The following NEBL variants were observed in gnomAD, a reference collection of about 807,000 sequenced individuals.
NEBL encodes LIM and SH3 protein 2.
In NEBL, 122 loss-of-function variants were observed where a neutral mutation model predicts 140.2. The observed-to-expected ratio is 0.87, with a 90% CI of 0.75 to 1.01. The LOEUF is 1.01. Among genes scored for constraint, NEBL ranks in the 50% least tolerant of loss-of-function variants. The pLI, the probability that NEBL is intolerant of heterozygous loss-of-function variation, is 0.00. For synonymous variants in NEBL, 436 were observed against 398.9 expected (o/e 1.09, Z -1.11); for missense variants, 1,365 against 1,231.3 (o/e 1.11, Z -1.62).
chr10:20,932,961 G>C (rs562543986), intron 4 of NEBL, among the ~76,000 whole-genome samples: 7 of 152,228 alleles, frequency 4.6e-5, no homozygotes, highest in Admixed American at 4.6e-4. Flanking sequence ...ACAAATGCTT[G>C]CATGCAGAAA....
chr10:21,134,284 A>G (rs1839246131), intron 2 of NEBL, among the ~76,000 whole-genome samples: 1 of 152,130 alleles, frequency 6.6e-6, no homozygotes, highest in Non-Finnish European at 1.5e-5. Flanking sequence ...GGAAAATAAG[A>G]CTACAGTTGA....
At chr10:20,887,933 T>C (rs968861369) in intron 4 of NEBL, among the ~76,000 whole-genome samples, 164 bp downstream of exon 4, 1 of 152,214 alleles carries the variant, frequency 6.6e-6, no homozygotes, top group Non-Finnish European at 1.5e-5. Context: ...TTTCATTTTC[T>C]GCAATTTCAA....
intron 3 of NEBL, among the ~76,000 whole-genome samples, chr10:21,184,943 A>G (rs938621320): frequency 6.6e-6 from 1 of 152,172 alleles, no homozygotes; most frequent in African/African-American, 2.4e-5. Context: ...CAAATTTTCT[A>G]CAATAAACAT....
chr10:20,888,813 A>G (rs1425679564), intron 3 of NEBL, among the ~76,000 whole-genome samples: 2 of 152,250 alleles, frequency 1.3e-5, no homozygotes, highest in African/African-American at 4.8e-5. Flanking sequence ...TAACTCCTTC[A>G]GGAAACATAA....
chr10:20,917,539 A>C (rs1564442119), intron 4 of NEBL, among the ~76,000 whole-genome samples: 3 of 152,214 alleles, frequency 2.0e-5, no homozygotes, highest in African/African-American at 7.2e-5. Context: ...CATGCTGGCC[A>C]CACATTACTA....
intron 1 of NEBL, among the ~76,000 whole-genome samples, chr10:21,277,241 C>G (rs1381678223): frequency 6.8e-6 from 1 of 147,578 alleles, no homozygotes; most frequent in Non-Finnish European, 1.5e-5. Context: ...CGGAGTCTCG[C>G]TCTGTCGCCC....
intron 4 of NEBL, among the ~76,000 whole-genome samples, chr10:20,911,584 C>T (rs1002638004): frequency 2.0e-5 from 3 of 152,154 alleles, no homozygotes; most frequent in Non-Finnish European, 4.4e-5. Context: ...ACTACAAGGA[C>T]ATTCTCATAG....
At chr10:21,201,456 G>A (rs763046989) in intron 3 of NEBL, among the ~76,000 whole-genome samples, 14 of 152,158 alleles carry the variant, frequency 9.2e-5, no homozygotes, top group Admixed American at 2.0e-4. Context: ...ATATTCAGAG[G>A]TAGGAAGCAG....
chr10:21,044,397 T>TAGAAAAAAAAAA (rs1834410654), intron 2 of NEBL, among the ~76,000 whole-genome samples: 1 of 34,870 alleles, frequency 2.9e-5, no homozygotes, highest in Non-Finnish European at 4.5e-5. Context: ...AGAGTAAGAA[T>TAGAAAAAAAAAA]AAAAAAAAAA....
chr10:21,234,208 C>T (rs1204800236), intron 3 of NEBL, among the ~76,000 whole-genome samples: 1 of 151,962 alleles, frequency 6.6e-6, no homozygotes, highest in Admixed American at 6.6e-5. Flanking sequence ...GACGCTGGAC[C>T]TGATGTAGTT....
At chr10:20,920,879 A>G (rs952362434) in intron 4 of NEBL, among the ~76,000 whole-genome samples, 3 of 152,220 alleles carry the variant, frequency 2.0e-5, no homozygotes, top group South Asian at 4.1e-4. Flanking sequence ...AACTAATTAT[A>G]CACACACATT....
At chr10:21,236,143 G>A (rs1447655371) in intron 3 of NEBL, among the ~76,000 whole-genome samples, 1 of 152,034 alleles carries the variant, frequency 6.6e-6, no homozygotes, top group African/African-American at 2.4e-5. Context: ...TTCTACAGGT[G>A]TTTCATATCA....
At chr10:20,852,687 G>C (rs1282984973) in intron 9 of NEBL, 38 bp from the exon 10 acceptor site, 1 of 1,463,518 alleles carries the variant, frequency 6.8e-7, no homozygotes, top group Non-Finnish European at 9.5e-7. Context: ...TAGAATCAAA[G>C]AGACTGATTA....
intron 7 of NEBL, among the ~76,000 whole-genome samples, chr10:20,862,956 G>A (rs1331444530): frequency 2.0e-5 from 3 of 151,976 alleles, no homozygotes; most frequent in Admixed American, 6.6e-5. Flanking sequence ...TTTGATACAG[G>A]CATGCAGTGC....
intron 2 of NEBL, among the ~76,000 whole-genome samples, chr10:21,074,791 T>A (rs1835990602): frequency 7.3e-6 from 1 of 137,194 alleles, no homozygotes; most frequent in Admixed American, 6.9e-5. Flanking sequence ...TAGATATATA[T>A]ATTTTTGTTG....
chr10:21,111,597 G>A (rs1296078624), intron 2 of NEBL, among the ~76,000 whole-genome samples: 1 of 150,458 alleles, frequency 6.6e-6, no homozygotes. Context: ...AATTCAAGTT[G>A]GATTAAAGAC....
intron 3 of NEBL, among the ~76,000 whole-genome samples, chr10:20,972,696 A>G (rs1227969184): frequency 6.6e-6 from 1 of 152,036 alleles, no homozygotes; most frequent in East Asian, 1.9e-4. Flanking sequence ...GCAGTGAGCC[A>G]AGATCACGCC....
Position 20,880,847 on chromosome 10 carries a change from T to G in NEBL, c.427A>C (p.Lys143Gln). 1 of 1,614,120 alleles carries G rather than the reference T, an allele frequency of 6.2e-7. No homozygotes were observed. Among genetic ancestry groups the G allele is most frequent in the Non-Finnish European group, 8.5e-7 (1 of 1,180,006 alleles). ...AKGFSDYAHMKEPPEVKHAME... is the reference protein window; with the variant it reads ...AKGFSDYAHMQEPPEVKHAME... ...GCATGTTTAACCTCAGGGGGCTCCT[T>G]CATGTGGGCATAATCTGAGAATCCT... Residue 143 changes from lysine (K) to glutamine (Q), a missense_variant, in exon 5 of 28, where the codon AAG (lysine) becomes CAG (glutamine). By Grantham distance (53) the Lys-to-Gln change is moderately conservative. Transcript: ENST00000377122.
chr10:20,867,241 T>C (rs1416836386), intron 7 of NEBL, among the ~76,000 whole-genome samples: 6 of 152,152 alleles, frequency 3.9e-5, no homozygotes. Flanking sequence ...ACATTAACTT[T>C]GAAAGAGTTA....
Sources: allele counts gnomAD v4.1 joint callset (sites outside exome capture counted in the v4.1 genomes callset), GRCh38; gene constraint gnomAD v4.1.1; transcripts MANE v1.5; gene names NCBI Gene and HGNC (gene_info 2026-07-23, HGNC 2026-07-21).